The following ACOX1 variants were observed in gnomAD, a reference collection of about 807,000 sequenced individuals.
ACOX1 encodes the protein acyl-CoA oxidase 1.
A neutral mutation model predicts 75.5 loss-of-function variants in ACOX1; 41 were observed. The ratio of observed to expected loss-of-function variants is 0.54; its 90% CI spans 0.42 to 0.70. The LOEUF is 0.70. ACOX1 is among the 30% of genes least tolerant of loss of function. ACOX1 has a pLI of 0.00. For missense variants in ACOX1, 630 were observed against 837.5 expected, an observed-to-expected ratio of 0.75 and a Z score of 3.06; for synonymous variants, 303 against 298.8, an observed-to-expected ratio of 1.01 and a Z score of -0.15.
rs2144217834 is a variant in ACOX1 at position 75,943,029 on chromosome 17, T to A, written c.*3719A>T. On this transcript the variant is annotated 3_prime_UTR_variant, in exon 14 of 14. Coordinates refer to ENST00000293217, the MANE Select transcript of ACOX1 (RefSeq NM_004035.7). ...AGTGTGGGGGGAGTGGGAGTGCAGATCACCTGGCCAACATGGTGAAACTCC... is the reference window on the plus strand; with the variant it reads ...AGTGTGGGGGGAGTGGGAGTGCAGAACACCTGGCCAACATGGTGAAACTCC... The A allele has an allele frequency of 6.6e-6, 1 of 151,776 alleles. No individual in the cohort carries two copies. Among genetic ancestry groups the A allele is most frequent in the South Asian group, 2.1e-4 (1 of 4,800 alleles). 9.4% of individuals were successfully genotyped at this position (151,776 alleles called of 1,614,324 possible). A position where few individuals can be genotyped will look rare whatever the true frequency, so the allele number is the denominator to read the frequency against.
rs1307176411 is a variant in ACOX1, at chr17:75,944,187, T to C, written c.*2561A>G. The C allele has an allele frequency of 1.3e-5, 2 of 152,122 alleles. No homozygotes were observed. Among genetic ancestry groups the C allele is most frequent in the Non-Finnish European group, 2.9e-5 (2 of 68,030 alleles). The allele number at this position is 152,122 out of a possible 1,614,324, so 9.4% of individuals were successfully genotyped here. ...AGGCAGAGGTCACAGTAAGCCAAGATCCCACCACTGCACTCCAGTCTGGGT... is the reference window on the plus strand; with the variant it reads ...AGGCAGAGGTCACAGTAAGCCAAGACCCCACCACTGCACTCCAGTCTGGGT... On this transcript the variant is annotated 3_prime_UTR_variant, in exon 14 of 14. Coordinates refer to ENST00000293217, the MANE Select transcript of ACOX1 (RefSeq NM_004035.7).
intron 2 of ACOX1, among the ~76,000 whole-genome samples, chr17:75,975,302 G>C (rs1349281641): frequency 1.3e-5 from 2 of 151,890 alleles, no homozygotes; most frequent in African/African-American, 4.8e-5. Flanking sequence ...GGGATTATAG[G>C]CGTGTGCCAC....
At chr17:75,952,830 CA>C (rs561945963) in intron 7 of ACOX1, among the ~76,000 whole-genome samples, 241 of 75,110 alleles carry the variant, frequency 3.2e-3, no homozygotes, top group African/African-American at 3.6e-3. Flanking sequence ...GAATCCATCT[CA>C]AAAAAAAAAA....
At chr17:75,966,750 T>C (rs1224483568) in intron 2 of ACOX1, among the ~76,000 whole-genome samples, 1 of 151,904 alleles carries the variant, frequency 6.6e-6, no homozygotes, top group African/African-American at 2.4e-5. Flanking sequence ...CAGTGAGCCA[T>C]GACTGCGCCA....
intron 7 of ACOX1, among the ~76,000 whole-genome samples, chr17:75,952,491 T>A (rs9675156): frequency 0.45 from 68,539 of 151,356 alleles, 18,866 homozygotes; most frequent in African/African-American, 0.78. Flanking sequence ...GTGGGGTTTC[T>A]CCATGTTGGC....
rs1181229064 is a variant in ACOX1 at position 75,945,422 on chromosome 17, C to T, written c.*1326G>A. The T allele has an allele frequency of 6.6e-6, 1 of 151,932 alleles. No individual in the cohort carries two copies. The highest frequency in any genetic ancestry group is 1.5e-5 in the Non-Finnish European group (1 of 67,986). The allele number at this position is 151,932 out of a possible 1,614,324, so 9.4% of individuals were successfully genotyped here. A position where few individuals can be genotyped will look rare whatever the true frequency, so the allele number is the denominator to read the frequency against. On this transcript the variant is annotated 3_prime_UTR_variant, in exon 14 of 14. Coordinates refer to ENST00000293217, the MANE Select transcript of ACOX1 (RefSeq NM_004035.7). ...CTGTAACCTATAAGTCTCATATTAC[C>T]AGTTCCCCAGGATAGATAGATATTA...
In ACOX1 at chr17:75,957,585, T is replaced by C. The variant is rs371397377; in HGVS notation, c.431-19A>G. 8.0e-5 allele frequency: 128 copies of C among 1,594,552 alleles called. No homozygotes were observed. The highest frequency in any genetic ancestry group is 1.1e-4 in the Non-Finnish European group (126 of 1,162,508). ...TGAGTTCCTAAGGAGATAAATTACA[T>C]TGACTTCAGTTAAGAGATGGGGAAA... is the stretch of plus-strand genomic sequence containing the variant. On this transcript the variant is annotated intron_variant, in intron 3 of 13. Coordinates refer to ENST00000293217, the MANE Select transcript of ACOX1 (RefSeq NM_004035.7).
At chr17:75,954,248 C>T (rs544752542) in intron 6 of ACOX1, among the ~76,000 whole-genome samples, 3 of 144,112 alleles carry the variant, frequency 2.1e-5, no homozygotes, top group African/African-American at 7.8e-5. Context: ...ATGCTGGGTG[C>T]GGTGGCTCAT....
At position 75,956,988 on chromosome 17, in the gene ACOX1, T is replaced by C. The variant is rs1381020519; in HGVS notation, c.538+471A>G. Reference sequence around the variant, plus strand: ...CTCTCTCTCTATATATATATATATATATATATATATATATATATATACACA... The same window carrying C: ...CTCTCTCTCTATATATATATATATACATATATATATATATATATATACACA... On this transcript the variant is annotated intron_variant, in intron 4 of 13. Coordinates refer to ENST00000293217, the MANE Select transcript of ACOX1 (RefSeq NM_004035.7). Among the ~76,000 whole-genome samples the C allele has an allele frequency of 2.7e-5, 2 of 74,630 alleles. 1 individual carries two copies. The highest frequency in any genetic ancestry group is 2.8e-3 in the East Asian group (2 of 710). 49.0% of individuals were successfully genotyped at this position (74,630 alleles called of 152,430 possible). A position where few individuals can be genotyped will look rare whatever the true frequency, so the allele number is the denominator to read the frequency against.
intron 2 of ACOX1, chr17:75,973,799 G>A (rs2144315651): frequency 1.9e-6 from 3 of 1,613,510 alleles, no homozygotes. Context: ...CAGGAGAGAA[G>A]AGAAAAGGAT....
chr17:75,970,118 T>C (rs1271353211), intron 2 of ACOX1, among the ~76,000 whole-genome samples: 7 of 134,168 alleles, frequency 5.2e-5, no homozygotes, highest in Middle Eastern at 4.2e-3. Context: ...CAGGGGGAGG[T>C]GGAGGTTGCA....
At chr17:75,949,195 C>T (rs746091353) in intron 12 of ACOX1, 22 bp downstream of exon 12, 10 of 1,613,836 alleles carry the variant, frequency 6.2e-6, no homozygotes, top group Non-Finnish European at 8.5e-6. Flanking sequence ...ACAAAAAAGA[C>T]TTATACTTAG....
At chr17:75,956,959 CTCTCTCTCTCTCTATATATATATATA>C (rs1267932709) in intron 4 of ACOX1, among the ~76,000 whole-genome samples, 587 of 25,112 alleles carry the variant, frequency 0.023, 4 homozygotes, top group Middle Eastern at 0.048. Context: ...CTCTCTCTCT[CTCTCTCTCTCTCTATATATATATATA>C]TATATATATA....
chr17:75,966,610 T>C (rs2065935270), intron 2 of ACOX1, among the ~76,000 whole-genome samples: 1 of 152,148 alleles, frequency 6.6e-6, no homozygotes, highest in African/African-American at 2.4e-5. Flanking sequence ...GAGACCAGCC[T>C]GGCCAACATG....
At chr17:75,958,388 G>A (rs2065853743) in intron 3 of ACOX1, among the ~76,000 whole-genome samples, 1 of 148,856 alleles carries the variant, frequency 6.7e-6, no homozygotes, top group Non-Finnish European at 1.5e-5. Context: ...AAAGAAAAAG[G>A]CCAGGCACAG....
chr17:75,951,554 T>C lies in ACOX1; in HGVS notation c.968A>G (p.Asp323Gly), dbSNP rs1199336270. 1 of 1,613,934 alleles carries C rather than the reference T, an allele frequency of 6.2e-7. No individual in the cohort carries two copies. The highest frequency in any genetic ancestry group is 8.5e-7 in the Non-Finnish European group (1 of 1,180,014). Residue 323 changes from aspartate (D) to glycine (G), a missense_variant, in exon 8 of 14, where the codon GAT becomes GGT. This residue lies in a region of ACOX1 where 390 missense variants were observed against 574.9 expected (regional missense o/e 0.68). Transcript: ENST00000293217. ...KPGEPEPQILDFQTQQYKLFP... is the reference protein window; with the variant it reads ...KPGEPEPQILGFQTQQYKLFP... The stretch of plus-strand genomic sequence containing the variant: ...GAGTTTATACTGCTGGGTTTGAAAA[T>C]CCAAAATCTGTGGTTCTGGTTCACT...
intron 2 of ACOX1, among the ~76,000 whole-genome samples, chr17:75,974,690 G>A (rs1238842664): frequency 1.3e-5 from 2 of 152,134 alleles, no homozygotes; most frequent in African/African-American, 4.8e-5. Flanking sequence ...GAAGGGATAG[G>A]CTGCCATTGC....
intron 2 of ACOX1, among the ~76,000 whole-genome samples, chr17:75,963,995 G>T (rs1236305282): frequency 2.0e-5 from 3 of 151,530 alleles, no homozygotes; most frequent in South Asian, 4.2e-4. Context: ...ACCAGCCTGG[G>T]CAACATGGTG....
At chr17:75,955,492 C>T (rs2065815623) in intron 6 of ACOX1, 74 bp downstream of exon 6, 1 of 1,225,464 alleles carries the variant, frequency 8.2e-7, no homozygotes, top group Non-Finnish European at 1.2e-6. Context: ...ACAGACCATT[C>T]TAACCCTATT....
Sources: allele counts gnomAD v4.1 joint callset (sites outside exome capture counted in the v4.1 genomes callset), GRCh38; gene constraint gnomAD v4.1.1; regional missense constraint gnomAD v4.1.1; transcripts MANE v1.5; gene names NCBI Gene and HGNC (gene_info 2026-07-23, HGNC 2026-07-21).